The following AFF4 variants were observed in gnomAD, a reference collection of about 807,000 sequenced individuals.
AFF4 encodes AF4/FMR2 family member 4.
AFF4 carries 13 observed loss-of-function variants against 124.8 expected under a neutral mutation model. That is an observed-to-expected ratio of 0.10 (90% CI 0.07 to 0.17). AFF4 has a LOEUF of 0.17. Ranked by LOEUF, AFF4 falls within the 10% of genes least tolerant of loss-of-function variation. The pLI, the probability that AFF4 is intolerant of heterozygous loss-of-function variation, is 1.00. For missense variants in AFF4, 1,092 were observed against 1,403.8 expected (o/e 0.78, Z 3.55); for synonymous variants, 477 against 496.1 (o/e 0.96, Z 0.51).
At chr5:132,948,352 A>G (rs538324464) in intron 1 of AFF4, 1 of 152,290 alleles carries the variant, frequency 6.6e-6, no homozygotes, top group South Asian at 2.1e-4. Flanking sequence ...GTTCTTTCCC[A>G]TTCCTCACAA....
intron 14 of AFF4, among the ~76,000 whole-genome samples, chr5:132,888,484 A>G (rs991030672): frequency 2.6e-5 from 4 of 152,086 alleles, no homozygotes; most frequent in Non-Finnish European, 5.9e-5. Context: ...AGAGGAAAAA[A>G]CAATATTGCT....
At chr5:132,898,123 A>T in intron 10 of AFF4, 107 bp downstream of exon 10, 1 of 1,380,592 alleles carries the variant, frequency 7.2e-7, no homozygotes, top group African/African-American at 1.4e-5. Flanking sequence ...TTGTCAGACT[A>T]TGGAACCTTC....
At chr5:132,961,469 G>A (rs1238127104) in intron 1 of AFF4, among the ~76,000 whole-genome samples, 6 of 151,926 alleles carry the variant, frequency 3.9e-5, no homozygotes, top group East Asian at 1.9e-4. Context: ...CGCCCACCTC[G>A]GCCTCTCAAA....
intron 3 of AFF4, 130 bp from the exon 4 acceptor site, chr5:132,932,352 T>C (rs1761321043): frequency 1.8e-6 from 1 of 559,520 alleles, no homozygotes; most frequent in Non-Finnish European, 2.9e-6. Flanking sequence ...GTTAGAATCT[T>C]TGGATTAATT....
At chr5:132,955,569 G>A (rs1761934732) in intron 1 of AFF4, among the ~76,000 whole-genome samples, 1 of 151,898 alleles carries the variant, frequency 6.6e-6, no homozygotes, top group South Asian at 2.1e-4. Context: ...ACGAGGTCAG[G>A]AGTTCAAGAC....
intron 17 of AFF4, 64 bp from the exon 18 acceptor site, chr5:132,886,467 C>T (rs1760121753): frequency 1.4e-6 from 2 of 1,464,636 alleles, no homozygotes; most frequent in Non-Finnish European, 1.9e-6. Flanking sequence ...TTTGCACAGA[C>T]AGCCTTTGCA....
chr5:132,891,947 G>A, intron 13 of AFF4: 1 of 687,766 alleles, frequency 1.5e-6, no homozygotes, highest in East Asian at 2.7e-5. Flanking sequence ...GTACCCAAGG[G>A]TTTTTCTTTC....
rs1386703428 is a variant in AFF4, at chr5:132,877,420, A to T, written c.*3639T>A. On this transcript the variant is annotated 3_prime_UTR_variant, in exon 21 of 21. Coordinates refer to ENST00000265343, the MANE Select transcript of AFF4 (RefSeq NM_014423.4). ...CATTAATATTCAAGGTGTCAACAAG[A>T]AAGTGTCTTAGATCAATTTAATAAA... The T allele has an allele frequency of 4.6e-6, 1 of 217,034 alleles. No individual in the cohort carries two copies. The highest frequency in any genetic ancestry group is 9.3e-6 in the Non-Finnish European group (1 of 107,734). 13.4% of individuals were successfully genotyped at this position (217,034 alleles called of 1,614,324 possible). A position where few individuals can be genotyped will look rare whatever the true frequency, so the allele number is the denominator to read the frequency against.
chr5:132,935,005 T>A (rs1761393118), intron 2 of AFF4, 64 bp from the exon 3 acceptor site: 1 of 1,335,898 alleles, frequency 7.5e-7, no homozygotes, highest in Non-Finnish European at 9.9e-7. Context: ...AATATAATTC[T>A]GAACTAATTT....
intron 1 of AFF4, chr5:132,948,687 C>A: frequency 5.0e-6 from 1 of 198,160 alleles, no homozygotes; most frequent in East Asian, 1.2e-4. Context: ...AAAGATGAAA[C>A]CACCTGGTAT....
rs369035925 is a variant in AFF4 at position 132,958,707 on chromosome 5, T to C, written c.-5+4552A>G. Among the ~76,000 whole-genome samples, 84 of 152,266 alleles carry C rather than the reference T, an allele frequency of 5.5e-4. No homozygotes were observed. In the South Asian group the frequency reaches 0.017, roughly 31 times the overall value. The stretch of plus-strand genomic sequence containing the variant: ...TAAGAAGGTGTGTCTCTACAGAGTA[T>C]TGGCTGGTACTCATCTCTCCATAAA... On this transcript the variant is annotated intron_variant, in intron 1 of 20. Transcript: ENST00000265343.
intron 17 of AFF4, among the ~76,000 whole-genome samples, chr5:132,886,800 A>G (rs950152062): frequency 6.6e-6 from 1 of 152,260 alleles, no homozygotes; most frequent in African/African-American, 2.4e-5. Context: ...AAGACCGTGC[A>G]GGATCATCCC....
In AFF4 at chr5:132,877,009, C is replaced by A. The variant is rs1191741309; in HGVS notation, c.*4050G>T. On this transcript the variant is annotated 3_prime_UTR_variant, in exon 21 of 21. Coordinates refer to ENST00000265343, the MANE Select transcript of AFF4 (RefSeq NM_014423.4). ...ACAGTATTATTACTGGAAAAAAAGC[C>A]TGCCTCTTCAATACATTAATGCATA... 2.0e-5 allele frequency: 4 copies of A among 198,824 alleles called. No homozygotes were observed. Among genetic ancestry groups the A allele is most frequent in the Non-Finnish European group, 4.2e-5 (4 of 95,912 alleles). 12.3% of individuals were successfully genotyped at this position (198,824 alleles called of 1,614,324 possible).
At chr5:132,908,855 C>T (rs1760730289) in intron 5 of AFF4, among the ~76,000 whole-genome samples, 1 of 149,862 alleles carries the variant, frequency 6.7e-6, no homozygotes, top group Non-Finnish European at 1.5e-5. Context: ...TCTGCCACCT[C>T]CAGCTCCCAG....
rs1199357571 is a variant in AFF4, at chr5:132,934,674, G to A, written c.391C>T (p.His131Tyr). Residue 131 changes from histidine to tyrosine, a missense_variant, in exon 3 of 21, where the codon CAT becomes TAT. His to Tyr is a moderately conservative substitution (Grantham distance 83, BLOSUM62 2). Transcript: ENST00000265343. ...CCTGCGCTGGTCCGCTGGCTACTAT[G>A]TCCACTCTGTAAGCCTGAGGACCGT... ...QKRSSGLQSG[H>Y]SSQRTSAGSS... 1 of 1,614,068 alleles carries A rather than the reference G, an allele frequency of 6.2e-7. No homozygotes were observed. Among genetic ancestry groups the A allele is most frequent in the Admixed American group, 1.7e-5 (1 of 60,006 alleles).
At chr5:132,942,500 T>A (rs1761595746) in intron 1 of AFF4, among the ~76,000 whole-genome samples, 1 of 151,480 alleles carries the variant, frequency 6.6e-6, no homozygotes, top group South Asian at 2.1e-4. Context: ...GTTTCGCTCT[T>A]GTTGCCCAGG....
chr5:132,952,888 ACT>A (rs1362683611), intron 1 of AFF4, among the ~76,000 whole-genome samples: 3 of 150,530 alleles, frequency 2.0e-5, no homozygotes, highest in African/African-American at 7.4e-5. Flanking sequence ...ACGGAGTGAG[ACT>A]CTGTCTCAAA....
In AFF4 at chr5:132,877,606, T is replaced by C. The variant is rs904176816; in HGVS notation, c.*3453A>G. 4.8e-6 allele frequency: 1 copy of C among 209,664 alleles called. No individual in the cohort carries two copies. Among genetic ancestry groups the C allele is most frequent in the Non-Finnish European group, 9.7e-6 (1 of 102,932 alleles). 13.0% of individuals were successfully genotyped at this position (209,664 alleles called of 1,614,324 possible). On this transcript the variant is annotated 3_prime_UTR_variant, in exon 21 of 21. Coordinates refer to ENST00000265343, the MANE Select transcript of AFF4 (RefSeq NM_014423.4). ...CCCTTACACCTAGAAGAGTGCACAG[T>C]GTACTCCTCCTCTATATAACTAGGC...
chr5:132,929,233 T>C (rs1389776746), intron 4 of AFF4, among the ~76,000 whole-genome samples: 2 of 152,148 alleles, frequency 1.3e-5, no homozygotes, highest in Non-Finnish European at 2.9e-5. Flanking sequence ...GTTTTTAACA[T>C]TGGCATTTTA....
Sources: gnomAD v4.1 joint callset for allele counts (sites outside exome capture counted in the v4.1 genomes callset) on GRCh38, gnomAD v4.1.1 for gene constraint, MANE v1.5 for transcripts, NCBI Gene and HGNC (gene_info 2026-07-23, HGNC 2026-07-21) for gene names.